RIN2: variants seen among roughly 807,000 people sequenced by gnomAD.
The protein encoded by RIN2 is RAB5 interacting protein 2.
RIN2 carries 36 observed loss-of-function variants against 78.0 expected under a neutral mutation model. The observed-to-expected ratio is 0.46, with a 90% CI of 0.35 to 0.61. RIN2 has a LOEUF of 0.61. Among genes scored for constraint, RIN2 ranks in the 20% least tolerant of loss-of-function variants. The pLI is 0.00. For synonymous variants in RIN2, 466 were observed against 466.8 expected, an observed-to-expected ratio of 1.00 and a Z score of 0.02; for missense variants, 1,087 against 1,159.7, an observed-to-expected ratio of 0.94 and a Z score of 0.91.
At chr20:19,793,735 T>A (rs185272436) in intron 1 of RIN2, among the ~76,000 whole-genome samples, 190 of 152,336 alleles carry the variant, frequency 1.2e-3, no homozygotes, top group African/African-American at 4.2e-3. Flanking sequence ...GTTATTAGGA[T>A]TACAGAACAA....
At chr20:19,835,467 G>A (rs577660267) in intron 2 of RIN2, among the ~76,000 whole-genome samples, 2 of 152,184 alleles carry the variant, frequency 1.3e-5, no homozygotes, top group South Asian at 2.1e-4. Flanking sequence ...TACTTTAAAC[G>A]AGATCAGATA....
chr20:19,809,000 A>G (rs1233830346), intron 2 of RIN2, among the ~76,000 whole-genome samples: 1 of 152,078 alleles, frequency 6.6e-6, no homozygotes, highest in Admixed American at 6.5e-5. Context: ...GCCTCATGTC[A>G]CCCATGCCAC....
chr20:19,988,479 A>G (rs927131346), intron 9 of RIN2, among the ~76,000 whole-genome samples: 1 of 152,178 alleles, frequency 6.6e-6, no homozygotes, highest in Non-Finnish European at 1.5e-5. Flanking sequence ...AAATGGAATA[A>G]AATTAAGGTG....
intron 3 of RIN2, among the ~76,000 whole-genome samples, chr20:19,918,764 A>G (rs2039787933): frequency 6.6e-6 from 1 of 151,212 alleles, no homozygotes. Flanking sequence ...CTGGGCCTTA[A>G]TTAAAAAAAA....
chr20:19,791,167 A>G (rs908007045), intron 1 of RIN2, among the ~76,000 whole-genome samples: 3 of 152,258 alleles, frequency 2.0e-5, no homozygotes, highest in African/African-American at 7.2e-5. Flanking sequence ...TTGAATAAAC[A>G]AATGAATTAC....
At chr20:19,960,339 C>T (rs1226016318) in intron 5 of RIN2, among the ~76,000 whole-genome samples, 1 of 152,128 alleles carries the variant, frequency 6.6e-6, no homozygotes, top group African/African-American at 2.4e-5. Context: ...GTTTCACCAA[C>T]CAAGATATAT....
rs562604068 is a variant in RIN2, at chr20:19,782,234, C to T, written c.-162-17388C>T. On this transcript the variant is annotated intron_variant, in intron 1 of 12. Coordinates refer to ENST00000255006, the MANE Select transcript of RIN2 (RefSeq NM_018993.4). The stretch of plus-strand genomic sequence containing the variant: ...AAGCCTATATGTTCCTTGCCATATG[C>T]GTAGCACCTAAGCCAATGTCAGGCA... 3.3e-5 allele frequency among the ~76,000 whole-genome samples: 5 copies of T among 152,212 alleles called. No homozygotes were observed. The East Asian group carries it at 5.8e-4, about 18-fold the overall frequency.
chr20:19,819,140 G>A (rs73275061), intron 2 of RIN2, among the ~76,000 whole-genome samples: 2,228 of 152,334 alleles, frequency 0.015, 62 homozygotes, highest in African/African-American at 0.05. Flanking sequence ...TCAGGCTGCC[G>A]TAACAAAATA....
chr20:19,920,988 G>GTCTT (rs2039892729), intron 3 of RIN2, among the ~76,000 whole-genome samples: 1 of 151,492 alleles, frequency 6.6e-6, no homozygotes, highest in Admixed American at 6.6e-5. Context: ...AGTTTTTTGG[G>GTCTT]TTGTTTGTTT....
At chr20:19,772,042 C>T (rs1417889120) in intron 1 of RIN2, among the ~76,000 whole-genome samples, 1 of 150,776 alleles carries the variant, frequency 6.6e-6, no homozygotes, top group Admixed American at 6.6e-5. Flanking sequence ...GTGGATAGAA[C>T]AGATGCGCGC....
At chr20:19,766,954 G>A (rs552564458) in intron 1 of RIN2, among the ~76,000 whole-genome samples, 89 of 152,002 alleles carry the variant, frequency 5.9e-4, no homozygotes, top group South Asian at 1.5e-3. Context: ...AAACAAGAGA[G>A]GCTTGGAGCA....
intron 2 of RIN2, among the ~76,000 whole-genome samples, chr20:19,849,391 A>G (rs970865053): frequency 1.3e-5 from 2 of 152,212 alleles, no homozygotes; most frequent in Non-Finnish European, 2.9e-5. Context: ...AGCCATGGAC[A>G]CAGGCTCCCA....
chr20:19,849,223 C>A (rs6112615), intron 2 of RIN2, among the ~76,000 whole-genome samples: 25,223 of 152,118 alleles, frequency 0.17, 3,619 homozygotes, highest in African/African-American at 0.39. Flanking sequence ...AATGAATATG[C>A]AGGTTTTACT....
intron 1 of RIN2, among the ~76,000 whole-genome samples, chr20:19,783,997 C>T (rs114524172): frequency 9.7e-4 from 148 of 152,320 alleles, no homozygotes; most frequent in African/African-American, 3.3e-3. Flanking sequence ...GCAGTGTCTA[C>T]TCCAGGGCCG....
At chr20:19,812,695 A>G (rs950943781) in intron 2 of RIN2, among the ~76,000 whole-genome samples, 1 of 152,210 alleles carries the variant, frequency 6.6e-6, no homozygotes, top group Non-Finnish European at 1.5e-5. Context: ...TCAGAATGGC[A>G]TACTTGGGAA....
chr20:19,858,721 T>G (rs1203450125), intron 2 of RIN2, among the ~76,000 whole-genome samples: 1 of 152,196 alleles, frequency 6.6e-6, no homozygotes, highest in African/African-American at 2.4e-5. Flanking sequence ...ATCCTCTGAC[T>G]CCTTCCCCAT....
chr20:19,760,789 T>A (rs1203950205), intron 1 of RIN2, among the ~76,000 whole-genome samples: 9 of 152,136 alleles, frequency 5.9e-5, no homozygotes. Flanking sequence ...TAATGAACCT[T>A]CAAGAATCCT....
intron 4 of RIN2, among the ~76,000 whole-genome samples, chr20:19,956,257 C>CAAAAAAAAAAAA (rs11483774): frequency 1.8e-4 from 9 of 50,574 alleles, no homozygotes; most frequent in Non-Finnish European, 3.2e-4. Context: ...GACTCCATCT[C>CAAAAAAAAAAAA]AAAAAAAAAA....
intron 4 of RIN2, among the ~76,000 whole-genome samples, chr20:19,956,311 C>T (rs1348170104): frequency 1.3e-5 from 2 of 149,876 alleles, no homozygotes; most frequent in Non-Finnish European, 3.0e-5. Flanking sequence ...TGTTTTATGT[C>T]GGAAGACAAA....
Sources: allele counts gnomAD v4.1 joint callset (sites outside exome capture counted in the v4.1 genomes callset), GRCh38; gene constraint gnomAD v4.1.1; transcripts MANE v1.5; gene names NCBI Gene and HGNC (gene_info 2026-07-23, HGNC 2026-07-21).